The following PPARGC1B variants were observed in gnomAD, a reference collection of about 807,000 sequenced individuals.
PPARGC1B encodes PPARG coactivator 1 beta.
PPARGC1B carries 34 observed loss-of-function variants against 101.6 expected under a neutral mutation model. The ratio of observed to expected loss-of-function variants is 0.33; its 90% CI spans 0.25 to 0.45. The LOEUF (loss-of-function observed/expected upper bound fraction) is 0.45, where lower values mean the gene tolerates loss of function less well. Among genes scored for constraint, PPARGC1B ranks in the 20% least tolerant of loss-of-function variants. The pLI is 1.00. For synonymous variants in PPARGC1B, 548 were observed against 539.3 expected (o/e 1.02, Z -0.22); for missense variants, 1,234 against 1,317.6 (o/e 0.94, Z 0.98).
intron 1 of PPARGC1B, among the ~76,000 whole-genome samples, chr5:149,780,467 C>T (rs1756557425): frequency 6.6e-6 from 1 of 152,164 alleles, no homozygotes; most frequent in African/African-American, 2.4e-5. Flanking sequence ...CTCTCCAGGC[C>T]TCGGATTCCC....
chr5:149,745,257 TA>T (rs1755046115), intron 1 of PPARGC1B, among the ~76,000 whole-genome samples: 4 of 152,310 alleles, frequency 2.6e-5, no homozygotes, highest in Non-Finnish European at 4.4e-5. Flanking sequence ...CTCTGTGCTC[TA>T]GTTAGCCAGC....
At chr5:149,838,239 T>C (rs990864413) in intron 8 of PPARGC1B, among the ~76,000 whole-genome samples, 5 of 152,190 alleles carry the variant, frequency 3.3e-5, no homozygotes, top group Admixed American at 3.3e-4. Context: ...CATATTAAAA[T>C]GTGCATACAC....
chr5:149,808,795 A>AT (rs1482023710), intron 1 of PPARGC1B, among the ~76,000 whole-genome samples: 3 of 152,166 alleles, frequency 2.0e-5, no homozygotes, highest in Non-Finnish European at 4.4e-5. Context: ...TATGCTGGGC[A>AT]TTTGGGATAC....
chr5:149,834,002 T>C (rs1415465461), intron 5 of PPARGC1B, among the ~76,000 whole-genome samples: 1 of 152,230 alleles, frequency 6.6e-6, no homozygotes, highest in African/African-American at 2.4e-5. Flanking sequence ...TCATCTTGCA[T>C]GGGCAAGGTG....
At chr5:149,806,827 G>A (rs1022634506) in intron 1 of PPARGC1B, among the ~76,000 whole-genome samples, 4 of 151,788 alleles carry the variant, frequency 2.6e-5, no homozygotes, top group African/African-American at 9.7e-5. Flanking sequence ...AGCTGCTCTC[G>A]AACTCCTGTC....
intron 1 of PPARGC1B, among the ~76,000 whole-genome samples, chr5:149,767,298 C>T (rs934823311): frequency 6.6e-6 from 1 of 152,118 alleles, no homozygotes; most frequent in Non-Finnish European, 1.5e-5. Flanking sequence ...CCTTTTTCCC[C>T]GCTCTATGAG....
Position 149,820,601 on chromosome 5 carries a change from T to G in PPARGC1B, c.247T>G (p.Phe83Val), listed in dbSNP as rs990844305. The change falls in exon 2 of 12, where the codon TTC (phenylalanine) becomes GTC (valine). Residue 83 changes from phenylalanine (F) to valine (V), a missense_variant. Physicochemically the swap from Phe to Val is conservative, Grantham distance 50 (BLOSUM62 -1). This residue lies in a region of PPARGC1B where 734 missense variants were observed against 768.4 expected (regional missense o/e 0.96). Transcript: ENST00000309241. ...GTACAGCCCCGATGACTCCGAGCTC[T>G]TCCAGGTATGCCCTTTCCAGTCTCC... Reference protein sequence around the residue: ...NQYSPDDSELFQIDSENEALL... With the variant: ...NQYSPDDSELVQIDSENEALL... 1 of 1,609,616 alleles carries G rather than the reference T, an allele frequency of 6.2e-7. No individual in the cohort carries two copies. The highest frequency in any genetic ancestry group is 1.3e-5 in the African/African-American group (1 of 74,996).
chr5:149,824,613 C>T (rs746295783), intron 2 of PPARGC1B, among the ~76,000 whole-genome samples: 4 of 152,156 alleles, frequency 2.6e-5, no homozygotes, highest in African/African-American at 7.2e-5. Context: ...CAAGAGTGGT[C>T]GCTGAGGCCC....
At chr5:149,828,935 C>G (rs1437621720) in intron 3 of PPARGC1B, among the ~76,000 whole-genome samples, 1 of 151,742 alleles carries the variant, frequency 6.6e-6, no homozygotes. Flanking sequence ...CCTGTAGTCC[C>G]AGCTACTCTG....
At chr5:149,774,511 C>G (rs894540294) in intron 1 of PPARGC1B, among the ~76,000 whole-genome samples, 75 of 152,026 alleles carry the variant, frequency 4.9e-4, no homozygotes, top group African/African-American at 1.8e-3. Context: ...GATGACCGGC[C>G]TGACCACAAT....
chr5:149,835,247 G>A, intron 6 of PPARGC1B, 54 bp from the exon 7 acceptor site: 2 of 1,536,608 alleles, frequency 1.3e-6, no homozygotes, highest in Non-Finnish European at 1.8e-6. Flanking sequence ...GCGGGGAGGT[G>A]GATGCCTGCT....
At chr5:149,762,217 C>T (rs1338420304) in intron 1 of PPARGC1B, among the ~76,000 whole-genome samples, 3 of 149,576 alleles carry the variant, frequency 2.0e-5, no homozygotes, top group South Asian at 4.2e-4. Flanking sequence ...GGTGCAATCT[C>T]GGCTCACTGC....
At chr5:149,803,729 A>C (rs1053983687) in intron 1 of PPARGC1B, among the ~76,000 whole-genome samples, 54 of 152,116 alleles carry the variant, frequency 3.5e-4, no homozygotes, top group African/African-American at 1.3e-3. Flanking sequence ...CCACCCCAGG[A>C]CACATCCCTA....
rs1360560508 is a variant in PPARGC1B at position 149,850,643 on chromosome 5, G to A, written c.*3085G>A. ...CACCAAATTGAGGAGTAACCCAGAG[G>A]GAGCAGCTGCCATTGGCAACCATCT... is the stretch of plus-strand genomic sequence containing the variant. On this transcript the variant is annotated 3_prime_UTR_variant, in exon 12 of 12. Coordinates refer to ENST00000309241, the MANE Select transcript of PPARGC1B (RefSeq NM_133263.4). 1.3e-5 allele frequency: 2 copies of A among 152,210 alleles called. No individual in the cohort carries two copies. The highest frequency in any genetic ancestry group is 2.9e-5 in the Non-Finnish European group (2 of 68,046). The allele number at this position is 152,210 out of a possible 1,614,324, so 9.4% of individuals were successfully genotyped here.
chr5:149,787,282 C>T (rs865851601), intron 1 of PPARGC1B, among the ~76,000 whole-genome samples: 1 of 152,178 alleles, frequency 6.6e-6, no homozygotes, highest in African/African-American at 2.4e-5. Flanking sequence ...TCTGGTTGCC[C>T]AGGACTAGGT....
intron 1 of PPARGC1B, among the ~76,000 whole-genome samples, chr5:149,784,487 C>T (rs1033322649): frequency 8.6e-5 from 13 of 150,888 alleles, no homozygotes; most frequent in Non-Finnish European, 1.3e-4. Flanking sequence ...GAAGTCTTTT[C>T]GGGATCTGGC....
chr5:149,841,012 T>A (rs1759313427), intron 9 of PPARGC1B, among the ~76,000 whole-genome samples: 1 of 152,176 alleles, frequency 6.6e-6, no homozygotes, highest in Non-Finnish European at 1.5e-5. Flanking sequence ...TTCTGGGCGT[T>A]GGAGGACAGC....
intron 11 of PPARGC1B, chr5:149,846,151 C>T: frequency 1.7e-6 from 1 of 599,772 alleles, no homozygotes; most frequent in East Asian, 2.8e-5. Flanking sequence ...AGAATCCAGC[C>T]TCCCACGGCC....
intron 1 of PPARGC1B, among the ~76,000 whole-genome samples, chr5:149,808,245 G>A (rs946037433): frequency 6.6e-6 from 1 of 152,152 alleles, no homozygotes; most frequent in African/African-American, 2.4e-5. Flanking sequence ...GTATTTTGAT[G>A]TGTAAGGCAC....
Sources: allele counts gnomAD v4.1 joint callset (sites outside exome capture counted in the v4.1 genomes callset), GRCh38; gene constraint gnomAD v4.1.1; regional missense constraint gnomAD v4.1.1; transcripts MANE v1.5; gene names NCBI Gene and HGNC (gene_info 2026-07-23, HGNC 2026-07-21).